Variants in HMCN1 observed in about 807,000 individuals in gnomAD.
The protein encoded by HMCN1 is hemicentin-1.
HMCN1 carries 321 observed loss-of-function variants against 625.9 expected under a neutral mutation model. That is an observed-to-expected ratio of 0.51 (90% CI 0.47 to 0.56). The LOEUF is 0.56. HMCN1 is among the 20% of genes least tolerant of loss of function. HMCN1 has a pLI of 0.00. For missense variants in HMCN1, 6,588 were observed against 6,887.3 expected, an observed-to-expected ratio of 0.96 and a Z score of 1.54; for synonymous variants, 2,425 against 2,417.6, an observed-to-expected ratio of 1.00 and a Z score of -0.09.
At position 186,151,182 on chromosome 1, in the gene HMCN1, T is replaced by A; in HGVS notation, c.14609-18T>A. ...AAATTGCATCCTTATCCAGGAATGT[T>A]TTTTTTTCCCCCAATAGGTGGGCCC... On this transcript the variant is annotated intron_variant, in intron 93 of 106. Transcript: ENST00000271588. 2 of 1,612,856 alleles carry A rather than the reference T, an allele frequency of 1.2e-6. No individual in the cohort carries two copies. The highest frequency in any genetic ancestry group is 1.7e-6 in the Non-Finnish European group (2 of 1,179,098).
At chr1:185,794,572 G>T (rs1330547939) in intron 1 of HMCN1, among the ~76,000 whole-genome samples, 1 of 151,098 alleles carries the variant, frequency 6.6e-6, no homozygotes, top group Non-Finnish European at 1.5e-5. Flanking sequence ...GATGTAGGCT[G>T]GGAGGCTAAG....
intron 1 of HMCN1, among the ~76,000 whole-genome samples, chr1:185,830,995 G>A (rs375325906): frequency 6.6e-6 from 1 of 152,046 alleles, no homozygotes; most frequent in African/African-American, 2.4e-5. Flanking sequence ...TAAGGGAATT[G>A]AACCAAAACT....
chr1:185,906,028 G>A (rs561976704), intron 4 of HMCN1, among the ~76,000 whole-genome samples: 1 of 151,736 alleles, frequency 6.6e-6, no homozygotes, highest in Non-Finnish European at 1.5e-5. Context: ...TGCATAATTT[G>A]TAGGCTCTCA....
intron 1 of HMCN1, among the ~76,000 whole-genome samples, chr1:185,794,947 T>C (rs1051709280): frequency 2.6e-5 from 4 of 152,234 alleles, no homozygotes; most frequent in Non-Finnish European, 4.4e-5. Context: ...ACTTTAACTT[T>C]TGGAATATTT....
intron 81 of HMCN1, 116 bp downstream of exon 81, chr1:186,123,336 G>T: frequency 8.3e-7 from 1 of 1,204,468 alleles, no homozygotes; most frequent in Non-Finnish European, 1.2e-6. Flanking sequence ...AATCCAAAGT[G>T]TGTGTGGGGG....
At chr1:186,129,910 G>A (rs914879135) in intron 83 of HMCN1, 56 bp from the exon 84 acceptor site, 32 of 1,607,688 alleles carry the variant, frequency 2.0e-5, no homozygotes, top group African/African-American at 5.4e-5. Flanking sequence ...CTGAGCTGTC[G>A]TGAAATTTTT....
chr1:186,185,304 G>A (rs1489814322), intron 105 of HMCN1, among the ~76,000 whole-genome samples: 1 of 152,164 alleles, frequency 6.6e-6, no homozygotes, highest in Non-Finnish European at 1.5e-5. Flanking sequence ...CAATGAATAT[G>A]AAGAGAAATT....
At chr1:186,083,081 C>A (rs1471859579) in intron 57 of HMCN1, 120 bp downstream of exon 57, 2 of 445,884 alleles carry the variant, frequency 4.5e-6, no homozygotes, top group South Asian at 7.4e-5. Flanking sequence ...GGAGCCTATA[C>A]TCATTCAATC....
At chr1:186,167,869 TTATC>T (rs1651976170) in intron 100 of HMCN1, among the ~76,000 whole-genome samples, 1 of 152,168 alleles carries the variant, frequency 6.6e-6, no homozygotes, top group African/African-American at 2.4e-5. Flanking sequence ...ATAGAACAGT[TTATC>T]TACCTAGTGA....
intron 49 of HMCN1, among the ~76,000 whole-genome samples, chr1:186,066,561 C>T (rs764680220): frequency 3.9e-5 from 6 of 152,292 alleles, no homozygotes; most frequent in East Asian, 3.9e-4. Context: ...TCCACCACTT[C>T]ATATTTTAAC....
Position 185,734,803 on chromosome 1 carries a change from T to A in HMCN1, c.24T>A (p.His8Gln). 6.2e-7 allele frequency: 1 copy of A among 1,614,104 alleles called. No individual in the cohort carries two copies. The highest frequency in any genetic ancestry group is 1.1e-5 in the South Asian group (1 of 91,078). The change falls in exon 1 of 107, where the codon CAT (histidine) becomes CAA (glutamine). Residue 8 changes from histidine to glutamine, a missense_variant. His to Gln is a conservative substitution (Grantham distance 24). Around this residue, in one of 3 missense-constraint regions of HMCN1, gnomAD observed 4,628 missense variants for 4,853.1 expected, o/e 0.95. Transcript: ENST00000271588. Reference protein sequence around the residue: MISWEVVHTVFLFALLYS... With the variant: MISWEVVQTVFLFALLYS... ...AAATGATTTCCTGGGAAGTTGTCCA[T>A]ACAGTATTCCTGTTTGCTCTTCTTT...
intron 1 of HMCN1, among the ~76,000 whole-genome samples, chr1:185,800,904 G>A (rs561462918): frequency 6.6e-6 from 1 of 152,106 alleles, no homozygotes; most frequent in African/African-American, 2.4e-5. Context: ...GTAAACCACT[G>A]TTTTTAATAA....
At chr1:185,794,773 C>T (rs1425835160) in intron 1 of HMCN1, among the ~76,000 whole-genome samples, 1 of 151,714 alleles carries the variant, frequency 6.6e-6, no homozygotes, top group Admixed American at 6.6e-5. Flanking sequence ...TACTTTGCAT[C>T]CTTCAATCCA....
In HMCN1 at chr1:185,982,264, G is replaced by A; in HGVS notation, c.2665G>A (p.Ala889Thr). The A allele has an allele frequency of 6.2e-7, 1 of 1,613,728 alleles. No homozygotes were observed. The highest frequency in any genetic ancestry group is 1.3e-5 in the African/African-American group (1 of 74,964). Residue 889 changes from alanine to threonine, a missense_variant and splice_region_variant, in exon 18 of 107, where the codon GCT becomes ACT. This residue lies in a region of HMCN1 where 4,628 missense variants were observed against 4,853.1 expected (regional missense o/e 0.95). Transcript: ENST00000271588. ...ETTVTVTGLV[A>T]PLIGISPSVA... ...GCCTGTGCTCTCTCTTGATTTAGTT[G>A]CTCCACTTATTGGAATCAGCCCTTC...
At chr1:185,858,344 T>C (rs1361322387) in intron 2 of HMCN1, among the ~76,000 whole-genome samples, 2 of 152,132 alleles carry the variant, frequency 1.3e-5, no homozygotes, top group Non-Finnish European at 2.9e-5. Context: ...TAAATGTTTA[T>C]GGATTATGAT....
At chr1:185,812,807 C>T (rs1357338045) in intron 1 of HMCN1, among the ~76,000 whole-genome samples, 1 of 135,852 alleles carries the variant, frequency 7.4e-6, no homozygotes, top group African/African-American at 3.8e-5. Context: ...AATCCCCCCC[C>T]ACACACATTC....
At chr1:186,093,296 C>G in intron 65 of HMCN1, 38 bp downstream of exon 65, 1 of 1,612,624 alleles carries the variant, frequency 6.2e-7, no homozygotes, top group Non-Finnish European at 8.5e-7. Flanking sequence ...ATGATGCTGC[C>G]TTAAGAATCT....
At chr1:185,812,606 A>G (rs1452326156) in intron 1 of HMCN1, among the ~76,000 whole-genome samples, 2 of 152,180 alleles carry the variant, frequency 1.3e-5, no homozygotes, top group Non-Finnish European at 2.9e-5. Flanking sequence ...AAAGGTAAAT[A>G]TTTAGCACAG....
chr1:185,932,322 A>T (rs1224033835), intron 10 of HMCN1, among the ~76,000 whole-genome samples: 1 of 152,182 alleles, frequency 6.6e-6, no homozygotes, highest in Non-Finnish European at 1.5e-5. Context: ...AGAGATAACC[A>T]CTGTGGTTTT....
Sources: gnomAD v4.1 joint callset for allele counts (sites outside exome capture counted in the v4.1 genomes callset) on GRCh38, gnomAD v4.1.1 for gene constraint, gnomAD v4.1.1 regional missense constraint, MANE v1.5 for transcripts, NCBI Gene and HGNC (gene_info 2026-07-23, HGNC 2026-07-21) for gene names.